Variants in ADAM2 observed in about 807,000 individuals in gnomAD.
The protein encoded by ADAM2 is ADAM metallopeptidase domain 2.
In ADAM2, 101 loss-of-function variants were observed where a neutral mutation model predicts 99.3. The ratio of observed to expected loss-of-function variants is 1.02; its 90% confidence interval spans 0.87 to 1.20. The LOEUF is 1.20. Ranked by LOEUF, ADAM2 falls within the 50% of genes most tolerant of loss-of-function variation. ADAM2 has a pLI of 0.00. For missense variants in ADAM2, 948 were observed against 878.7 expected (o/e 1.08, Z -1.00); for synonymous variants, 323 against 287.6 (o/e 1.12, Z -1.25).
rs141009149 is a variant in ADAM2 at position 39,774,196 on chromosome 8, A to C, written c.1028+2829T>G. On this transcript the variant is annotated intron_variant, in intron 11 of 20. Coordinates refer to ENST00000265708, the MANE Select transcript of ADAM2 (RefSeq NM_001464.5). Reference sequence around the variant, plus strand: ...AATCTGATTAAAAGTCTCTCTGTAAAACCTTCAGTTAATGTATTTATTGGT... The same window carrying C: ...AATCTGATTAAAAGTCTCTCTGTAACACCTTCAGTTAATGTATTTATTGGT... Among the ~76,000 whole-genome samples, 424 of 152,110 alleles carry C rather than the reference A, an allele frequency of 2.8e-3. 2 individuals are homozygous for C. Among genetic ancestry groups the C allele is most frequent in the African/African-American group, 9.8e-3 (409 of 41,550 alleles).
intron 6 of ADAM2, among the ~76,000 whole-genome samples, chr8:39,819,191 A>T (rs1805072245): frequency 6.6e-6 from 1 of 152,080 alleles, no homozygotes; most frequent in African/African-American, 2.4e-5. Flanking sequence ...ATAAAGATTA[A>T]TGGACTATAA....
intron 6 of ADAM2, chr8:39,817,812 A>AT (rs1805017371): frequency 6.6e-6 from 1 of 152,114 alleles, no homozygotes; most frequent in South Asian, 2.1e-4. Context: ...TTAAAGACCT[A>AT]TAAGGGAGTC....
intron 14 of ADAM2, among the ~76,000 whole-genome samples, chr8:39,764,488 G>A (rs1188223183): frequency 2.0e-4 from 31 of 152,158 alleles, no homozygotes; most frequent in Admixed American, 1.9e-3. Context: ...CCGCCTCTTT[G>A]CATGACCAAA....
chr8:39,753,551 C>T (rs943589159), intron 16 of ADAM2, among the ~76,000 whole-genome samples: 1 of 152,154 alleles, frequency 6.6e-6, no homozygotes, highest in African/African-American at 2.4e-5. Flanking sequence ...ATATCAGAGA[C>T]TTTCATGGTA....
At chr8:39,752,180 A>G (rs1302599715) in intron 16 of ADAM2, among the ~76,000 whole-genome samples, 1 of 152,176 alleles carries the variant, frequency 6.6e-6, no homozygotes, top group Admixed American at 6.5e-5. Flanking sequence ...ACCAATGACC[A>G]AGCATTTTGG....
rs1364068875 is a variant in ADAM2 at position 39,788,694 on chromosome 8, A to C, written c.617T>G (p.Phe206Cys). 6.3e-7 allele frequency: 1 copy of C among 1,583,676 alleles called. No homozygotes were observed. The highest frequency in any genetic ancestry group is 8.6e-7 in the Non-Finnish European group (1 of 1,163,196). ...SDTTVVAQKV[F>C]QLIGLTNAIF... ...AGCATTCGTCAATCCAATCAACTGG[A>C]AAACTTTTTGAGCGACAACAGTTGT... Residue 206 changes from phenylalanine (F) to cysteine (C), a missense_variant, in exon 8 of 21, where the codon TTC becomes TGC. By Grantham distance (205) the Phe-to-Cys change is radical. Transcript: ENST00000265708.
At chr8:39,772,538 T>G (rs1055372665) in intron 11 of ADAM2, among the ~76,000 whole-genome samples, 1 of 152,052 alleles carries the variant, frequency 6.6e-6, no homozygotes, top group African/African-American at 2.4e-5. Flanking sequence ...CTGTGAAACA[T>G]CACACAATTA....
chr8:39,760,812 C>T (rs1220670581), intron 15 of ADAM2, among the ~76,000 whole-genome samples: 2 of 130,654 alleles, frequency 1.5e-5, no homozygotes, highest in Non-Finnish European at 3.1e-5. Context: ...TGAGGATTGT[C>T]ATGCTTTGTA....
Position 39,788,209 on chromosome 8 carries a change from C to A in ADAM2, c.685G>T (p.Glu229Ter). ...FNITIILSSL[E>*]LWIDENKIAT... ...ATTTTATTTTCATCTATCCAAAGCT[C>A]CAATGAAGACAGAATAATTGTAATA... Residue 229 changes from glutamate (E) to a stop codon, truncating the protein, a stop_gained, in exon 9 of 21, where the codon GAG becomes TAG. Transcript: ENST00000265708. LOFTEE classifies it high-confidence loss of function. 3.2e-6 allele frequency: 5 copies of A among 1,558,314 alleles called. No homozygotes were observed. Among genetic ancestry groups the A allele is most frequent in the Non-Finnish European group, 4.4e-6 (5 of 1,145,246 alleles).
At chr8:39,834,821 A>G (rs1218926450) in intron 2 of ADAM2, among the ~76,000 whole-genome samples, 2 of 149,494 alleles carry the variant, frequency 1.3e-5, no homozygotes, top group African/African-American at 2.5e-5. Context: ...GGCCTTAATT[A>G]TATTCAGGTA....
chr8:39,785,597 A>T (rs1392721556), intron 10 of ADAM2, among the ~76,000 whole-genome samples: 1 of 152,182 alleles, frequency 6.6e-6, no homozygotes, highest in East Asian at 1.9e-4. Context: ...GGAGTTCAAG[A>T]CCAGCCTGGC....
At chr8:39,775,007 G>C (rs72642841) in intron 11 of ADAM2, among the ~76,000 whole-genome samples, 80 of 152,124 alleles carry the variant, frequency 5.3e-4, no homozygotes, top group South Asian at 1.7e-3. Flanking sequence ...AAGAAAGAGA[G>C]GGGGAGGAAA....
At chr8:39,770,068 C>T (rs1435288126) in intron 11 of ADAM2, among the ~76,000 whole-genome samples, 1 of 151,014 alleles carries the variant, frequency 6.6e-6, no homozygotes, top group Non-Finnish European at 1.5e-5. Flanking sequence ...GCCTCAGCCT[C>T]CCAAGTAACT....
intron 2 of ADAM2, among the ~76,000 whole-genome samples, chr8:39,836,169 A>T (rs1044239809): frequency 2.0e-5 from 3 of 152,052 alleles, no homozygotes; most frequent in African/African-American, 4.8e-5. Flanking sequence ...AAAATAGACA[A>T]TTTTTTCCTC....
At chr8:39,804,001 G>A (rs1180764555) in intron 7 of ADAM2, among the ~76,000 whole-genome samples, 1 of 152,186 alleles carries the variant, frequency 6.6e-6, no homozygotes, top group Non-Finnish European at 1.5e-5. Context: ...TCTAGTGTTA[G>A]ACTGGAGCAC....
At chr8:39,814,090 G>T (rs1804817988) in intron 6 of ADAM2, among the ~76,000 whole-genome samples, 2 of 152,076 alleles carry the variant, frequency 1.3e-5, no homozygotes, top group Non-Finnish European at 1.5e-5. Context: ...AGGCGTGGTG[G>T]CTCACACCTG....
At chr8:39,776,704 T>A (rs1803004139) in intron 11 of ADAM2, among the ~76,000 whole-genome samples, 1 of 152,098 alleles carries the variant, frequency 6.6e-6, no homozygotes. Context: ...GCAGACAAGT[T>A]CATACTAATA....
intron 10 of ADAM2, among the ~76,000 whole-genome samples, chr8:39,781,637 T>A (rs150084369): frequency 0.015 from 2,288 of 152,280 alleles, 32 homozygotes; most frequent in Non-Finnish European, 0.023. Context: ...ATGGATAAAA[T>A]GCCTCAATAT....
At chr8:39,767,335 A>G (rs1802612484) in intron 12 of ADAM2, 84 bp from the exon 13 acceptor site, 1 of 1,157,254 alleles carries the variant, frequency 8.6e-7, no homozygotes, top group Non-Finnish European at 1.3e-6. Context: ...AACATATTAT[A>G]TAACATACAC....
Sources: allele counts gnomAD v4.1 joint callset (sites outside exome capture counted in the v4.1 genomes callset), GRCh38; gene constraint gnomAD v4.1.1; transcripts MANE v1.5; gene names NCBI Gene and HGNC (gene_info 2026-07-23, HGNC 2026-07-21).